PLD5: variants seen among roughly 807,000 people sequenced by gnomAD.
PLD5 encodes the protein phospholipase D family member 5, also known as inactive phospholipase D5.
PLD5 carries 36 observed loss-of-function variants against 61.1 expected under a neutral mutation model. That is an observed-to-expected ratio of 0.59 (90% CI 0.45 to 0.78). The LOEUF (loss-of-function observed/expected upper bound fraction) is 0.78, where lower values mean the gene tolerates loss of function less well. Ranked by LOEUF, PLD5 falls within the 30% of genes least tolerant of loss-of-function variation. The probability of loss-of-function intolerance (pLI) is 0.00; values close to 1 mark genes in which losing one functional copy is unlikely to be tolerated. For missense variants in PLD5, 515 were observed against 644.4 expected, an observed-to-expected ratio of 0.80 and a Z score of 2.17; for synonymous variants, 243 against 242.8, an observed-to-expected ratio of 1.00 and a Z score of -0.01.
chr1:242,393,802 G>A (rs1270886404), intron 1 of PLD5, among the ~76,000 whole-genome samples: 2 of 148,824 alleles, frequency 1.3e-5, no homozygotes, highest in Non-Finnish European at 3.0e-5. Flanking sequence ...GCTCACGCCT[G>A]TATTCTCAGC....
chr1:242,385,609 C>T (rs140966596), intron 1 of PLD5, among the ~76,000 whole-genome samples: 3 of 152,232 alleles, frequency 2.0e-5, no homozygotes, highest in Admixed American at 6.5e-5. Flanking sequence ...TTGACTCCGC[C>T]GGACTTTGTC....
Position 242,089,723 on chromosome 1 carries a change from G to A in PLD5, c.*131C>T, listed in dbSNP as rs1013252292. 22 of 1,217,262 alleles carry A rather than the reference G, an allele frequency of 1.8e-5. No homozygotes were observed. Among genetic ancestry groups the A allele is most frequent in the African/African-American group, 7.6e-5 (5 of 65,708 alleles). The allele number at this position is 1,217,262 out of a possible 1,614,324, so 75.4% of individuals were successfully genotyped here. On this transcript the variant is annotated 3_prime_UTR_variant, in exon 10 of 10. Coordinates refer to ENST00000536534, the MANE Select transcript of PLD5 (RefSeq NM_001372062.1). ...TATTGTTAGATAGGTATTATGTGTT[G>A]TTCAGAGAATATTTTTTATAAGTGT...
rs531818018 is a variant in PLD5, at chr1:242,107,342, G to A, written c.1239+329C>T. Reference sequence around the variant, plus strand: ...AATGCAAAATTAGCTGAGCCTGGGAGTCAAGGCTGCAGTGAGCCGGGATTG... The same window carrying A: ...AATGCAAAATTAGCTGAGCCTGGGAATCAAGGCTGCAGTGAGCCGGGATTG... On this transcript the variant is annotated intron_variant, in intron 8 of 9. Coordinates refer to ENST00000536534, the MANE Select transcript of PLD5 (RefSeq NM_001372062.1). Among the ~76,000 whole-genome samples the A allele has an allele frequency of 4.6e-5, 7 of 152,238 alleles. No homozygotes were observed. In the South Asian group the frequency reaches 1.0e-3, roughly 23 times the overall value.
intron 3 of PLD5, among the ~76,000 whole-genome samples, chr1:242,284,318 G>A (rs568133283): frequency 2.9e-4 from 44 of 151,452 alleles, no homozygotes; most frequent in Non-Finnish European, 4.9e-4. Flanking sequence ...TGCATTTTTA[G>A]TACAGACGGG....
chr1:242,236,153 A>G (rs1671628070), intron 4 of PLD5, among the ~76,000 whole-genome samples: 1 of 152,202 alleles, frequency 6.6e-6, no homozygotes, highest in South Asian at 2.1e-4. Flanking sequence ...ATGGCTGTCT[A>G]TGAACAAGGA....
intron 2 of PLD5, among the ~76,000 whole-genome samples, chr1:242,298,344 A>T (rs1574689222): frequency 6.6e-6 from 1 of 152,350 alleles, no homozygotes; most frequent in African/African-American, 2.4e-5. Flanking sequence ...TGTTGCTTAC[A>T]GTTTTAAAAG....
At chr1:242,308,418 C>G (rs879641531) in intron 2 of PLD5, among the ~76,000 whole-genome samples, 1 of 152,148 alleles carries the variant, frequency 6.6e-6, no homozygotes, top group Non-Finnish European at 1.5e-5. Flanking sequence ...CTTTACTCAT[C>G]TGTAAAATGA....
intron 5 of PLD5, among the ~76,000 whole-genome samples, chr1:242,131,609 A>G (rs1663257950): frequency 6.6e-6 from 1 of 152,162 alleles, no homozygotes; most frequent in Non-Finnish European, 1.5e-5. Context: ...TCTTCAAGAA[A>G]GCTGATACAA....
chr1:242,354,016 T>C (rs1245634324), intron 1 of PLD5, among the ~76,000 whole-genome samples: 9 of 151,768 alleles, frequency 5.9e-5, no homozygotes, highest in African/African-American at 2.2e-4. Flanking sequence ...TTTTGGTGGA[T>C]TCTTTAGAGT....
At chr1:242,306,476 C>T (rs1034492506) in intron 2 of PLD5, among the ~76,000 whole-genome samples, 2 of 151,920 alleles carry the variant, frequency 1.3e-5, no homozygotes, top group African/African-American at 4.8e-5. Context: ...CTCATGCTGG[C>T]AGGGATGAGA....
chr1:242,219,400 G>C lies in PLD5; in HGVS notation c.735+588C>G, dbSNP rs369067198. On this transcript the variant is annotated intron_variant, in intron 5 of 9. Coordinates refer to ENST00000536534, the MANE Select transcript of PLD5 (RefSeq NM_001372062.1). ...AAAGATGTTCTGAGAAGGTTGGCTA[G>C]TCTTCCTAAGCATCCAATGACTAGG... Among the ~76,000 whole-genome samples, 12 of 152,254 alleles carry C rather than the reference G, an allele frequency of 7.9e-5. No individual in the cohort carries two copies. In the South Asian group the frequency reaches 1.5e-3, roughly 18 times the overall value.
intron 1 of PLD5, among the ~76,000 whole-genome samples, chr1:242,389,060 A>G (rs570202301): frequency 6.6e-6 from 1 of 152,252 alleles, no homozygotes; most frequent in African/African-American, 2.4e-5. Flanking sequence ...TCTCAAAAAA[A>G]AAAAAAAAAT....
chr1:242,169,697 C>T (rs1666599517), intron 5 of PLD5, among the ~76,000 whole-genome samples: 1 of 150,444 alleles, frequency 6.6e-6, no homozygotes, highest in South Asian at 2.1e-4. Flanking sequence ...TTGTTGCTGC[C>T]AGCACAGCAG....
At chr1:242,233,154 AAATGAATGAATGAATG>A (rs55916345) in intron 4 of PLD5, among the ~76,000 whole-genome samples, 4 of 149,848 alleles carry the variant, frequency 2.7e-5, no homozygotes, top group Non-Finnish European at 5.9e-5. Flanking sequence ...ATTCTGACTC[AAATGAATGAATGAATG>A]AATGAATGAA....
chr1:242,337,792 C>T (rs949074570), intron 2 of PLD5, among the ~76,000 whole-genome samples: 1 of 152,146 alleles, frequency 6.6e-6, no homozygotes, highest in African/African-American at 2.4e-5. Context: ...TAGATGACTT[C>T]CTCAGCTTGA....
At chr1:242,517,000 T>C (rs932742885) in intron 1 of PLD5, among the ~76,000 whole-genome samples, 1 of 151,174 alleles carries the variant, frequency 6.6e-6, no homozygotes, top group African/African-American at 2.5e-5. Flanking sequence ...TTTTAAGTGT[T>C]AGACTGGAAT....
At chr1:242,159,459 C>T (rs1489589248) in intron 5 of PLD5, among the ~76,000 whole-genome samples, 1 of 152,072 alleles carries the variant, frequency 6.6e-6, no homozygotes, top group Non-Finnish European at 1.5e-5. Context: ...CCTTTTCTGG[C>T]AAGAAAATGC....
intron 5 of PLD5, among the ~76,000 whole-genome samples, chr1:242,163,984 C>T (rs1197497965): frequency 6.6e-6 from 1 of 152,044 alleles, no homozygotes; most frequent in Non-Finnish European, 1.5e-5. Flanking sequence ...TGATTTCATC[C>T]TTCAATTCCT....
At chr1:242,109,009 C>G (rs1299045339) in intron 7 of PLD5, among the ~76,000 whole-genome samples, 5 of 152,282 alleles carry the variant, frequency 3.3e-5, no homozygotes, top group Admixed American at 6.5e-5. Context: ...AAATCTAGAT[C>G]CTGGATCCAC....
Sources: allele counts gnomAD v4.1 joint callset (sites outside exome capture counted in the v4.1 genomes callset), GRCh38; gene constraint gnomAD v4.1.1; transcripts MANE v1.5; gene names NCBI Gene and HGNC (gene_info 2026-07-23, HGNC 2026-07-21).